Variants in AHCYL2 observed in about 807,000 individuals in gnomAD.
AHCYL2 encodes adenosylhomocysteinase like 2.
A neutral mutation model predicts 81.4 loss-of-function variants in AHCYL2; 28 were observed. That is an observed-to-expected ratio of 0.34 (90% CI 0.25 to 0.47). The LOEUF (loss-of-function observed/expected upper bound fraction) is 0.47, where lower values mean the gene tolerates loss of function less well. Among genes scored for constraint, AHCYL2 ranks in the 20% least tolerant of loss-of-function variants. The probability of loss-of-function intolerance (pLI) is 1.00; values close to 1 mark genes in which losing one functional copy is unlikely to be tolerated. For missense variants in AHCYL2, 551 were observed against 785.1 expected (o/e 0.70, Z 3.56); for synonymous variants, 272 against 290.2 (o/e 0.94, Z 0.64).
chr7:129,362,057 C>A (rs1192897440), intron 1 of AHCYL2, among the ~76,000 whole-genome samples: 2 of 152,154 alleles, frequency 1.3e-5, no homozygotes, highest in Non-Finnish European at 2.9e-5. Context: ...GAGTACTACT[C>A]TGCTCTATCT....
intron 1 of AHCYL2, among the ~76,000 whole-genome samples, chr7:129,299,361 T>A (rs80107407): frequency 2.9e-3 from 352 of 120,488 alleles, no homozygotes; most frequent in African/African-American, 0.011. Flanking sequence ...GGTGGGAGAG[T>A]CCAACTTGTT....
chr7:129,368,600 A>G lies in AHCYL2; in HGVS notation c.364-11038A>G. On this transcript the variant is annotated intron_variant, in intron 1 of 16. Coordinates refer to ENST00000325006, the MANE Select transcript of AHCYL2 (RefSeq NM_015328.4). The surrounding 1 kb of genome is among the most constrained non-coding windows in gnomAD (Gnocchi z 4.4). ...TCTCCTTCTGTTTCTTGATAATGAG[A>G]GGCAACCATTTCTGACGGGTGACAA... 5.6e-6 allele frequency: 9 copies of G among 1,604,680 alleles called. No homozygotes were observed. The highest frequency in any genetic ancestry group is 6.8e-6 in the Non-Finnish European group (8 of 1,171,618).
intron 1 of AHCYL2, among the ~76,000 whole-genome samples, chr7:129,300,148 A>G (rs533921153): frequency 3.1e-4 from 47 of 152,284 alleles, no homozygotes; most frequent in African/African-American, 1.1e-3. Context: ...TTACAATCCT[A>G]TTATACTCTT....
chr7:129,358,401 C>CA (rs34071272), intron 1 of AHCYL2, among the ~76,000 whole-genome samples: 9,191 of 138,252 alleles, frequency 0.066, 304 homozygotes, highest in Admixed American at 0.091. Flanking sequence ...CACACACACA[C>CA]AAAAAAAAAA....
chr7:129,267,680 G>A (rs1795865020), intron 1 of AHCYL2, among the ~76,000 whole-genome samples: 1 of 152,124 alleles, frequency 6.6e-6, no homozygotes, highest in Admixed American at 6.6e-5. Context: ...TGAAAGTGAA[G>A]AGAGAATAAT....
At chr7:129,272,032 C>G (rs76231485) in intron 1 of AHCYL2, among the ~76,000 whole-genome samples, 3 of 152,194 alleles carry the variant, frequency 2.0e-5, no homozygotes, top group African/African-American at 7.2e-5. Flanking sequence ...CTGGGACTTT[C>G]AAGGCCAGGT....
intron 1 of AHCYL2, among the ~76,000 whole-genome samples, chr7:129,358,149 T>C (rs1467117956): frequency 6.6e-6 from 1 of 151,678 alleles, no homozygotes; most frequent in Non-Finnish European, 1.5e-5. Flanking sequence ...ATCCCAGCAC[T>C]TTGGGAGGCC....
chr7:129,276,125 A>G (rs1308550699), intron 1 of AHCYL2, among the ~76,000 whole-genome samples: 2 of 152,156 alleles, frequency 1.3e-5, no homozygotes, highest in African/African-American at 4.8e-5. Context: ...CTTCTAAGTA[A>G]CTCATAGATC....
At chr7:129,364,024 T>C (rs1291541806) in intron 1 of AHCYL2, among the ~76,000 whole-genome samples, 1 of 151,792 alleles carries the variant, frequency 6.6e-6, no homozygotes. Flanking sequence ...TGAGGTGAAC[T>C]CCTGGGAGTT....
intron 1 of AHCYL2, among the ~76,000 whole-genome samples, chr7:129,315,310 A>G (rs928509338): frequency 4.6e-5 from 7 of 152,134 alleles, no homozygotes; most frequent in South Asian, 2.1e-4. Context: ...TTGGAATTCA[A>G]AGCACTTCAG....
Position 129,426,457 on chromosome 7 carries a change from A to G in AHCYL2, c.1723A>G (p.Ser575Gly), listed in dbSNP as rs1684157384. ...GTCTGTTCCAGATGAGTATGTGGCC[A>G]GCCTACACCTGCCTACCTTTGATGC... ...LPKKMDEYVASLHLPTFDAHL... is the reference protein window; with the variant it reads ...LPKKMDEYVAGLHLPTFDAHL... The change falls in exon 16 of 17, where the codon AGC becomes GGC. Residue 575 changes from serine to glycine, a missense_variant. Physicochemically the swap from Ser to Gly is moderately conservative, Grantham distance 56. Coordinates refer to ENST00000325006, the MANE Select transcript of AHCYL2 (RefSeq NM_015328.4). This position sits in a 1 kb window ranked among gnomAD's most constrained non-coding sequence, Gnocchi z 4.3. The G allele has an allele frequency of 6.2e-7, 1 of 1,614,014 alleles. No homozygotes were observed. Among genetic ancestry groups the G allele is most frequent in the African/African-American group, 1.3e-5 (1 of 74,922 alleles).
At chr7:129,388,562 G>GA (rs1162963768) in intron 2 of AHCYL2, among the ~76,000 whole-genome samples, 1 of 152,156 alleles carries the variant, frequency 6.6e-6, no homozygotes, top group Non-Finnish European at 1.5e-5. Context: ...TCTTAAAAAA[G>GA]AAAGCTCTGT....
At chr7:129,345,138 G>GA (rs894288653) in intron 1 of AHCYL2, among the ~76,000 whole-genome samples, 20 of 152,102 alleles carry the variant, frequency 1.3e-4, no homozygotes, top group African/African-American at 3.9e-4. Context: ...CTGGGCCACA[G>GA]AAAAAAGAAA....
At chr7:129,294,828 G>C (rs1584753860) in intron 1 of AHCYL2, among the ~76,000 whole-genome samples, 1 of 152,276 alleles carries the variant, frequency 6.6e-6, no homozygotes, top group East Asian at 1.9e-4. Context: ...GTGTACCCTG[G>C]ATAAGTCATA....
intron 2 of AHCYL2, among the ~76,000 whole-genome samples, chr7:129,386,977 G>A (rs988910531): frequency 1.3e-5 from 2 of 152,136 alleles, no homozygotes; most frequent in African/African-American, 2.4e-5. Flanking sequence ...TGCTAAAGTG[G>A]GTAATATCAG....
rs1414391489 is a variant in AHCYL2, at chr7:129,244,727, AC to A, written c.363+19289del. 3.9e-5 allele frequency among the ~76,000 whole-genome samples: 6 copies of A among 152,272 alleles called. No individual in the cohort carries two copies. The East Asian group carries it at 1.2e-3, about 29-fold the overall frequency. On this transcript the variant is annotated intron_variant, in intron 1 of 16. Transcript: ENST00000325006. ...CACACTGGGGGTTAGATTTCAACAT[AC>A]GAATCTTTTGGGGGAACACAAACAT...
intron 8 of AHCYL2, chr7:129,405,531 C>A (rs1796261654): frequency 5.5e-6 from 2 of 361,994 alleles, no homozygotes; most frequent in Non-Finnish European, 9.7e-6. Context: ...AGGAAAAAAA[C>A]CCTTACATAT....
intron 1 of AHCYL2, among the ~76,000 whole-genome samples, chr7:129,300,154 C>T (rs1272973984): frequency 1.3e-5 from 2 of 152,026 alleles, no homozygotes; most frequent in East Asian, 3.8e-4. Context: ...TCCTATTATA[C>T]TCTTTTAGTT....
chr7:129,279,526 C>T (rs1796353278), intron 1 of AHCYL2, among the ~76,000 whole-genome samples: 2 of 152,160 alleles, frequency 1.3e-5, no homozygotes, highest in South Asian at 4.2e-4. Context: ...TAATCTAGAC[C>T]CCAAGAGAGG....
Sources: gnomAD v4.1 joint callset for allele counts (sites outside exome capture counted in the v4.1 genomes callset) on GRCh38, gnomAD v4.1.1 for gene constraint, Gnocchi (gnomAD v3.1) non-coding constraint, MANE v1.5 for transcripts, NCBI Gene and HGNC (gene_info 2026-07-23, HGNC 2026-07-21) for gene names.